Variants in PIEZO1 observed in about 807,000 individuals in gnomAD.
PIEZO1 encodes piezo-type mechanosensitive ion channel component 1.
In PIEZO1, 296 loss-of-function variants were observed where a neutral mutation model predicts 297.2. The ratio of observed to expected loss-of-function variants is 1.00; its 90% CI spans 0.91 to 1.10. The LOEUF (loss-of-function observed/expected upper bound fraction) is 1.10. PIEZO1 is among the 50% of genes least tolerant of loss of function. The pLI is 0.00. For synonymous variants in PIEZO1, 2,427 were observed against 1,507.5 expected (o/e 1.61, Z -14.13); for missense variants, 5,018 against 3,455.5 (o/e 1.45, Z -11.34).
intron 1 of PIEZO1, among the ~76,000 whole-genome samples, chr16:88,773,658 G>A (rs1198857761): frequency 1.3e-5 from 2 of 150,942 alleles, no homozygotes; most frequent in African/African-American, 5.0e-5. Flanking sequence ...AGGCAGGTCG[G>A]GGGAGTGGAC....
At chr16:88,753,304 CAGCACACCTCCCGCCCCCGG>C (rs1906494161) in intron 1 of PIEZO1, among the ~76,000 whole-genome samples, 1 of 72,832 alleles carries the variant, frequency 1.4e-5, no homozygotes, top group Non-Finnish European at 3.1e-5. Context: ...CGGCCCCCCG[CAGCACACCTCCCGCCCCCGG>C]AGCACACCTG....
chr16:88,747,003 C>T (rs1031504966), intron 2 of PIEZO1, among the ~76,000 whole-genome samples: 1 of 152,206 alleles, frequency 6.6e-6, no homozygotes, highest in African/African-American at 2.4e-5. Context: ...CAGCGACTCC[C>T]AGCACTCGGC....
intron 1 of PIEZO1, among the ~76,000 whole-genome samples, chr16:88,772,721 G>C (rs1201672471): frequency 6.6e-6 from 1 of 151,098 alleles, no homozygotes; most frequent in Non-Finnish European, 1.5e-5. Flanking sequence ...GAAGGTGGCA[G>C]TGAGCTGAGA....
intron 1 of PIEZO1, among the ~76,000 whole-genome samples, chr16:88,759,861 C>T (rs1352323136): frequency 6.6e-6 from 1 of 152,202 alleles, no homozygotes; most frequent in Non-Finnish European, 1.5e-5. Context: ...GCACAGGAGC[C>T]TTGGACAGCA....
Position 88,736,853 on chromosome 16 carries a change from C to T in PIEZO1, c.1196-114G>A, listed in dbSNP as rs181807568. On this transcript the variant is annotated intron_variant, in intron 10 of 50. Coordinates refer to ENST00000301015, the MANE Select transcript of PIEZO1 (RefSeq NM_001142864.4). ...GCACACAGCAGGAGAGACAGGCCCC[C>T]GGTGGGCTATGGGCAGAACACGAGG... 423 of 639,580 alleles carry T rather than the reference C, an allele frequency of 6.6e-4. 1 individual carries two copies. Among genetic ancestry groups the T allele is most frequent in the East Asian group, 2.9e-3 (96 of 33,180 alleles). 39.6% of individuals were successfully genotyped at this position (639,580 alleles called of 1,614,324 possible). A position where few individuals can be genotyped will look rare whatever the true frequency, so the allele number is the denominator to read the frequency against.
rs757428415 is a variant in PIEZO1, at chr16:88,736,167, CA to C, written c.1537del (p.Cys513ValfsTer12). 1.9e-6 allele frequency: 3 copies of C among 1,547,550 alleles called. No homozygotes were observed. The highest frequency in any genetic ancestry group is 2.6e-6 in the Non-Finnish European group (3 of 1,145,700). On this transcript the variant is annotated frameshift_variant, in exon 12 of 51. Transcript: ENST00000301015. LOFTEE classifies it high-confidence loss of function. ...QLGLEHTRYP[C>X]LDLGAMLLYT... ...ACTCACCATGGCACCAAGGTCCAGA[CA>C]GGGGTAGCGGGTGTGCTCCAGCCCC...
chr16:88,726,225 CA>C, intron 27 of PIEZO1, 58 bp downstream of exon 27: 2 of 1,411,932 alleles, frequency 1.4e-6, no homozygotes, highest in Non-Finnish European at 9.5e-7. Context: ...AGGAACCTCC[CA>C]TTGCCCCCTC....
At position 88,727,156 on chromosome 16, in the gene PIEZO1, C is replaced by G; in HGVS notation, c.3338G>C (p.Trp1113Ser). 2 of 1,548,806 alleles carry G rather than the reference C, an allele frequency of 1.3e-6. No homozygotes were observed. Among genetic ancestry groups the G allele is most frequent in the South Asian group, 1.2e-5 (1 of 84,026 alleles). Reference protein sequence around the residue: ...FLLLLCASQQWQVFSAERTEE... With the variant: ...FLLLLCASQQSQVFSAERTEE... Reference sequence around the variant, plus strand: ...TGTGCGCTCAGCTGAGAACACCTGCCACTGCTGGGAGGCGCACAGCAGCAG... The same window carrying G: ...TGTGCGCTCAGCTGAGAACACCTGCGACTGCTGGGAGGCGCACAGCAGCAG... The change falls in exon 24 of 51, where the codon TGG becomes TCG. Residue 1113 changes from tryptophan (W) to serine (S), a missense_variant. Trp to Ser is a radical substitution (Grantham distance 177, BLOSUM62 -3). Transcript: ENST00000301015.
At chr16:88,769,958 G>C (rs1025459725) in intron 1 of PIEZO1, among the ~76,000 whole-genome samples, 1 of 152,300 alleles carries the variant, frequency 6.6e-6, no homozygotes, top group Non-Finnish European at 1.5e-5. Context: ...CGGGGCAGCA[G>C]GGGGCTCTGA....
chr16:88,725,520 C>T lies in PIEZO1; in HGVS notation c.4059-1G>A. Reference sequence around the variant, plus strand: ...CTGCTTGGCACGGATACGCTCCATCCTGTGGTGGGGAAAGGTGGGGTATGC... The same window carrying T: ...CTGCTTGGCACGGATACGCTCCATCTTGTGGTGGGGAAAGGTGGGGTATGC... On this transcript the variant is annotated splice_acceptor_variant, in intron 28 of 50. Coordinates refer to ENST00000301015, the MANE Select transcript of PIEZO1 (RefSeq NM_001142864.4). LOFTEE classifies it high-confidence loss of function. 1 of 1,538,158 alleles carries T rather than the reference C, an allele frequency of 6.5e-7. No homozygotes were observed. Among genetic ancestry groups the T allele is most frequent in the African/African-American group, 1.4e-5 (1 of 72,922 alleles).
chr16:88,722,993 C>A lies in PIEZO1; in HGVS notation c.4512G>T (p.Val1504=). ...EEAAAGRSHV[V]QRVLSTAQFL... Reference sequence around the variant, plus strand: ...ACTGCGCCGTGCTCAGCACCCTCTGCACCACATGGCTCCGGCCTGCGGGAG... The same window carrying A: ...ACTGCGCCGTGCTCAGCACCCTCTGAACCACATGGCTCCGGCCTGCGGGAG... Residue 1504 remains valine (V), a synonymous_variant, in exon 34 of 51, where the codon GTG becomes GTT. Coordinates refer to ENST00000301015, the MANE Select transcript of PIEZO1 (RefSeq NM_001142864.4). The A allele has an allele frequency of 6.5e-7, 1 of 1,546,950 alleles. No homozygotes were observed. The highest frequency in any genetic ancestry group is 8.7e-7 in the Non-Finnish European group (1 of 1,145,944).
At chr16:88,760,752 A>AG (rs1906896490) in intron 1 of PIEZO1, among the ~76,000 whole-genome samples, 1 of 152,174 alleles carries the variant, frequency 6.6e-6, no homozygotes, top group African/African-American at 2.4e-5. Flanking sequence ...CAGGGGCCCG[A>AG]GGGGAGCCAC....
chr16:88,771,530 AG>A (rs1907423960), intron 1 of PIEZO1, among the ~76,000 whole-genome samples: 1 of 152,330 alleles, frequency 6.6e-6, no homozygotes, highest in Non-Finnish European at 1.5e-5. Context: ...TGCTGGGCTC[AG>A]GGGCCACACA....
In PIEZO1 at chr16:88,716,129, A is replaced by G. The variant is rs747572617; in HGVS notation, c.7130-10T>C. On this transcript the variant is annotated splice_polypyrimidine_tract_variant and intron_variant, in intron 49 of 50. Coordinates refer to ENST00000301015, the MANE Select transcript of PIEZO1 (RefSeq NM_001142864.4). ...TAGTCGGCCTCCTCATCTGGGATGG[A>G]GGGAGAAGATCGTTGAGGCCGCAGG... 5 of 1,538,820 alleles carry G rather than the reference A, an allele frequency of 3.2e-6. No homozygotes were observed. Among genetic ancestry groups the G allele is most frequent in the Non-Finnish European group, 4.4e-6 (5 of 1,138,852 alleles).
chr16:88,735,374 C>T (rs1905141511), intron 12 of PIEZO1, 128 bp from the exon 13 acceptor site: 3 of 676,594 alleles, frequency 4.4e-6, no homozygotes, highest in African/African-American at 3.5e-5. Flanking sequence ...CCATCCACCG[C>T]AGCCTCCCCA....
chr16:88,722,296 G>C lies in PIEZO1; in HGVS notation c.4877C>G (p.Thr1626Ser), dbSNP rs932747271. 1 of 1,548,428 alleles carries C rather than the reference G, an allele frequency of 6.5e-7. No homozygotes were observed. The highest frequency in any genetic ancestry group is 1.2e-5 in the South Asian group (1 of 83,998). Reference sequence around the variant, plus strand: ...ACCAGCCTCACGCTCCCCGGGGTCGGTGACTGCCTCCTCACTGCCACTGCG... The same window carrying C: ...ACCAGCCTCACGCTCCCCGGGGTCGCTGACTGCCTCCTCACTGCCACTGCG... ...HTRSGSEEAV[T>S]DPGEREAGAS... The change falls in exon 36 of 51, where the codon ACC becomes AGC. Residue 1626 changes from threonine (T) to serine (S), a missense_variant. Physicochemically the swap from Thr to Ser is moderately conservative, Grantham distance 58. Transcript: ENST00000301015.
chr16:88,733,599 C>T lies in PIEZO1; in HGVS notation c.2476G>A (p.Ala826Thr). ...CCTGCCACACTCACCTCCTTCAGGG[C>T]CACCCAGACGGTGTACAGGGCCACC... is the stretch of plus-strand genomic sequence containing the variant. Reference protein sequence around the residue: ...KLVALYTVWVALKEVSVMNLL... With the variant: ...KLVALYTVWVTLKEVSVMNLL... Residue 826 changes from alanine to threonine, a missense_variant, in exon 18 of 51, where the codon GCC becomes ACC. Ala to Thr is a moderately conservative substitution (Grantham distance 58). Transcript: ENST00000301015. 1 of 1,544,520 alleles carries T rather than the reference C, an allele frequency of 6.5e-7. No individual in the cohort carries two copies. The highest frequency in any genetic ancestry group is 8.7e-7 in the Non-Finnish European group (1 of 1,142,966).
rs950820877 is a variant in PIEZO1, at chr16:88,747,515, C to CA, written c.160+1868dup. Among the ~76,000 whole-genome samples, 193 of 152,014 alleles carry CA rather than the reference C, an allele frequency of 1.3e-3. 1 individual carries two copies. Among genetic ancestry groups the CA allele is most frequent in the African/African-American group, 4.1e-3 (171 of 41,466 alleles). On this transcript the variant is annotated intron_variant, in intron 2 of 50. Coordinates refer to ENST00000301015, the MANE Select transcript of PIEZO1 (RefSeq NM_001142864.4). The stretch of plus-strand genomic sequence containing the variant: ...TGGGTGACAGAGTGAGACTCCATCT[C>CA]AAAAAAAATAAATAAAAAAGACCAT...
intron 10 of PIEZO1, chr16:88,737,015 G>A (rs1368390661): frequency 8.5e-6 from 3 of 351,278 alleles, no homozygotes; most frequent in African/African-American, 6.5e-5. Context: ...CGCACCTGAA[G>A]ACTCTCAGGA....
Sources: allele counts gnomAD v4.1 joint callset (sites outside exome capture counted in the v4.1 genomes callset), GRCh38; gene constraint gnomAD v4.1.1; transcripts MANE v1.5; gene names NCBI Gene and HGNC (gene_info 2026-07-23, HGNC 2026-07-21).